Variants in STK4 observed in about 807,000 individuals in gnomAD.
STK4 encodes the protein serine/threonine kinase 4.
In STK4, 30 loss-of-function variants were observed where a neutral mutation model predicts 64.9. That is an observed-to-expected ratio of 0.46 (90% CI 0.35 to 0.63). STK4 has a LOEUF of 0.63. Ranked by LOEUF, STK4 falls within the 20% of genes least tolerant of loss-of-function variation. The pLI, the probability that STK4 is intolerant of heterozygous loss-of-function variation, is 0.01. For missense variants in STK4, 466 were observed against 598.5 expected, an observed-to-expected ratio of 0.78 and a Z score of 2.31; for synonymous variants, 177 against 199.0, an observed-to-expected ratio of 0.89 and a Z score of 0.93.
intron 5 of STK4, among the ~76,000 whole-genome samples, chr20:44,989,512 T>C (rs1251045957): frequency 6.8e-6 from 1 of 147,704 alleles, no homozygotes; most frequent in African/African-American, 2.4e-5. Flanking sequence ...AAGTCTCTTA[T>C]GTACATGATT....
intron 9 of STK4, among the ~76,000 whole-genome samples, chr20:45,009,350 G>T (rs1016130918): frequency 6.6e-6 from 1 of 152,102 alleles, no homozygotes; most frequent in African/African-American, 2.4e-5. Context: ...GGTTGTAGGT[G>T]TGCAGGTTTA....
chr20:44,977,123 T>C (rs992049878), intron 2 of STK4, among the ~76,000 whole-genome samples: 1 of 152,102 alleles, frequency 6.6e-6, no homozygotes, highest in African/African-American at 2.4e-5. Context: ...CTGTAACAAA[T>C]TAGGAAGTTA....
At chr20:44,981,662 G>A (rs1555806975) in intron 3 of STK4, among the ~76,000 whole-genome samples, 167 bp from the exon 4 acceptor site, 1 of 152,130 alleles carries the variant, frequency 6.6e-6, no homozygotes, top group Non-Finnish European at 1.5e-5. Context: ...TTACCCTCCA[G>A]AAAAGCTATA....
intron 4 of STK4, among the ~76,000 whole-genome samples, chr20:44,986,707 G>C (rs1300450484): frequency 6.6e-6 from 1 of 152,190 alleles, no homozygotes; most frequent in Admixed American, 6.5e-5. Context: ...GGTGTATTTG[G>C]ATATACAGTG....
At chr20:44,975,410 G>A in intron 2 of STK4, 1 of 982,594 alleles carries the variant, frequency 1.0e-6, no homozygotes, top group Non-Finnish European at 1.2e-6. Flanking sequence ...TGCATAGGGA[G>A]GTATGAAGAG....
chr20:45,071,324 C>T (rs908513427), intron 10 of STK4, among the ~76,000 whole-genome samples: 1 of 152,178 alleles, frequency 6.6e-6, no homozygotes, highest in African/African-American at 2.4e-5. Context: ...TATTTTACTG[C>T]AAGATATTCA....
intron 9 of STK4, among the ~76,000 whole-genome samples, chr20:45,003,759 A>G (rs1601244520): frequency 7.3e-6 from 1 of 136,934 alleles, no homozygotes; most frequent in African/African-American, 2.8e-5. Flanking sequence ...TCTGTCGCCC[A>G]GGCTTGGAGT....
At position 45,024,901 on chromosome 20, in the gene STK4, A is replaced by T. The variant is rs1290029042; in HGVS notation, c.1148-72A>T. On this transcript the variant is annotated intron_variant, in intron 9 of 10. Coordinates refer to ENST00000372806, the MANE Select transcript of STK4 (RefSeq NM_006282.5). ...TCCAGAGATTGTAGCCCATCTGGAG[A>T]TATGTCTATTTATTAAACTTACCTA... The T allele has an allele frequency of 2.9e-6, 4 of 1,382,576 alleles. No homozygotes were observed. The African/African-American group carries it at 5.9e-5, about 20-fold the overall frequency. The allele number at this position is 1,382,576 out of a possible 1,614,324, so 85.6% of individuals were successfully genotyped here. A position where few individuals can be genotyped will look rare whatever the true frequency, so the allele number is the denominator to read the frequency against.
intron 10 of STK4, among the ~76,000 whole-genome samples, chr20:45,026,965 GT>G (rs1423285044): frequency 2.0e-5 from 3 of 152,168 alleles, no homozygotes; most frequent in African/African-American, 7.2e-5. Context: ...TGCCTGTATA[GT>G]TGTCTTCAAC....
At chr20:45,059,753 T>C (rs1392238527) in intron 10 of STK4, among the ~76,000 whole-genome samples, 1 of 152,192 alleles carries the variant, frequency 6.6e-6, no homozygotes, top group Non-Finnish European at 1.5e-5. Context: ...TAAAGAGCAA[T>C]CATAAGCAAC....
intron 5 of STK4, among the ~76,000 whole-genome samples, chr20:44,991,390 G>T (rs6031918): frequency 1.8e-4 from 27 of 152,148 alleles, no homozygotes; most frequent in Non-Finnish European, 3.4e-4. Context: ...TTGGAATCTA[G>T]GTCAGAAAAT....
intron 9 of STK4, among the ~76,000 whole-genome samples, chr20:45,008,723 T>A (rs2067994098): frequency 6.6e-6 from 1 of 152,176 alleles, no homozygotes; most frequent in Non-Finnish European, 1.5e-5. Context: ...TTTTTAGTAA[T>A]AGCCATTCTT....
chr20:45,041,676 C>T (rs1452880932), intron 10 of STK4, among the ~76,000 whole-genome samples: 1 of 138,474 alleles, frequency 7.2e-6, no homozygotes. Flanking sequence ...ATGTTTTAAG[C>T]GTGTTTAGCT....
intron 9 of STK4, among the ~76,000 whole-genome samples, chr20:45,014,289 A>G (rs1661921202): frequency 6.7e-6 from 1 of 148,722 alleles, no homozygotes. Flanking sequence ...AGCTGGGTGT[A>G]GTGGGGCGTG....
chr20:45,031,904 CAAAA>C (rs11431524), intron 10 of STK4, among the ~76,000 whole-genome samples: 1 of 75,660 alleles, frequency 1.3e-5, no homozygotes. Flanking sequence ...GACTTCATCT[CAAAA>C]AAAAAAAAAA....
At chr20:45,072,943 A>T (rs180790869) in intron 10 of STK4, among the ~76,000 whole-genome samples, 1 of 152,220 alleles carries the variant, frequency 6.6e-6, no homozygotes, top group African/African-American at 2.4e-5. Context: ...CCATCAGACC[A>T]TTATCTCATG....
intron 10 of STK4, among the ~76,000 whole-genome samples, chr20:45,050,589 T>C (rs1378018287): frequency 6.6e-6 from 1 of 152,166 alleles, no homozygotes; most frequent in African/African-American, 2.4e-5. Flanking sequence ...CTTTATATTA[T>C]TTACTGAATT....
At position 44,997,158 on chromosome 20, in the gene STK4, G is replaced by A. The variant is rs975415466; in HGVS notation, c.694-11G>A. ...ACCAGATCTTTTTGTTTGTTTGTTT[G>A]TTCTAACCAGGCAATCTTCATGATT... On this transcript the variant is annotated splice_polypyrimidine_tract_variant and intron_variant, in intron 6 of 10. Coordinates refer to ENST00000372806, the MANE Select transcript of STK4 (RefSeq NM_006282.5). 5 of 1,613,116 alleles carry A rather than the reference G, an allele frequency of 3.1e-6. No individual in the cohort carries two copies. The highest frequency in any genetic ancestry group is 4.2e-6 in the Non-Finnish European group (5 of 1,179,418).
At chr20:45,029,695 C>A (rs753689086) in intron 10 of STK4, among the ~76,000 whole-genome samples, 1 of 152,170 alleles carries the variant, frequency 6.6e-6, no homozygotes, top group Non-Finnish European at 1.5e-5. Context: ...TTACCCCAGG[C>A]AGACTGAATA....
Sources: allele counts gnomAD v4.1 joint callset (sites outside exome capture counted in the v4.1 genomes callset), GRCh38; gene constraint gnomAD v4.1.1; transcripts MANE v1.5; gene names NCBI Gene and HGNC (gene_info 2026-07-23, HGNC 2026-07-21).